Variants in LRMDA observed in about 807,000 individuals in gnomAD.
LRMDA encodes leucine rich melanocyte differentiation associated.
A neutral mutation model predicts 29.8 loss-of-function variants in LRMDA; 18 were observed. The ratio of observed to expected loss-of-function variants is 0.60; its 90% CI spans 0.42 to 0.90. The LOEUF is 0.90. Ranked by LOEUF, LRMDA falls within the 40% of genes least tolerant of loss-of-function variation. The pLI is 0.00. For missense variants in LRMDA, 273 were observed against 273.9 expected (o/e 1.00, Z 0.02); for synonymous variants, 125 against 109.4 (o/e 1.14, Z -0.89).
chr10:76,442,880 G>A (rs1426453179), intron 6 of LRMDA, among the ~76,000 whole-genome samples: 1 of 152,144 alleles, frequency 6.6e-6, no homozygotes, highest in African/African-American at 2.4e-5. Flanking sequence ...ATTTCTGAGG[G>A]AAGATGCAAT....
chr10:76,478,619 T>C (rs1842703436), intron 6 of LRMDA, among the ~76,000 whole-genome samples: 1 of 152,144 alleles, frequency 6.6e-6, no homozygotes, highest in Non-Finnish European at 1.5e-5. Context: ...ACAGCACTAT[T>C]CACAATAGCA....
At chr10:75,649,715 G>A (rs532146437) in intron 2 of LRMDA, among the ~76,000 whole-genome samples, 24 of 152,098 alleles carry the variant, frequency 1.6e-4, no homozygotes, top group Non-Finnish European at 2.6e-4. Flanking sequence ...ATTCTTTGAG[G>A]AACTGCCATA....
At chr10:76,239,464 G>C (rs1247498) in intron 5 of LRMDA, among the ~76,000 whole-genome samples, 2 of 151,984 alleles carry the variant, frequency 1.3e-5, no homozygotes, top group Non-Finnish European at 2.9e-5. Context: ...GTTTGATTCA[G>C]TGTCCAAACA....
chr10:75,468,807 G>A (rs561281179), intron 2 of LRMDA, among the ~76,000 whole-genome samples: 7 of 152,192 alleles, frequency 4.6e-5, no homozygotes, highest in South Asian at 4.2e-4. Context: ...CGTCCAGCCT[G>A]TGGCCTCTCT....
At chr10:76,254,345 T>TCCC (rs1852546445) in intron 5 of LRMDA, among the ~76,000 whole-genome samples, 1 of 51,970 alleles carries the variant, frequency 1.9e-5, no homozygotes, top group South Asian at 7.0e-4. Context: ...CATACCATCC[T>TCCC]ATCCTATCCT....
rs1843409279 is a variant in LRMDA, at chr10:75,782,892, T to TG, written c.132-253115dup. 8 of 1,603,884 alleles carry TG rather than the reference T, an allele frequency of 5.0e-6. No homozygotes were observed. In the South Asian group the frequency reaches 7.8e-5, roughly 16 times the overall value. On this transcript the variant is annotated intron_variant, in intron 2 of 6. Transcript: ENST00000611255. ...CCCAAAGCCGTGGAGTACCTGCTGT[T>TG]GCTCTCATGCCTCTTGCCAACAGTG...
At chr10:75,675,053 G>C (rs758993368) in intron 2 of LRMDA, among the ~76,000 whole-genome samples, 6 of 152,198 alleles carry the variant, frequency 3.9e-5, no homozygotes, top group South Asian at 2.1e-4. Context: ...TCTGTGTATT[G>C]ATCAGAGTTT....
At chr10:76,461,692 C>T (rs964640396) in intron 6 of LRMDA, among the ~76,000 whole-genome samples, 15 of 152,182 alleles carry the variant, frequency 9.9e-5, no homozygotes, top group Admixed American at 9.2e-4. Context: ...ATGGGAGGCT[C>T]TGCCCTCTGA....
At chr10:75,528,716 G>A (rs1488121302) in intron 2 of LRMDA, among the ~76,000 whole-genome samples, 2 of 152,100 alleles carry the variant, frequency 1.3e-5, no homozygotes, top group Non-Finnish European at 2.9e-5. Flanking sequence ...ATGTTTATGA[G>A]AAACCTCTAG....
intron 5 of LRMDA, among the ~76,000 whole-genome samples, chr10:76,315,626 G>A (rs570277777): frequency 6.6e-6 from 1 of 151,830 alleles, no homozygotes; most frequent in Non-Finnish European, 1.5e-5. Context: ...AGCCCAGGGG[G>A]TGCTGAGGGC....
At chr10:75,445,895 A>G (rs961086304) in intron 2 of LRMDA, among the ~76,000 whole-genome samples, 1 of 152,266 alleles carries the variant, frequency 6.6e-6, no homozygotes, top group African/African-American at 2.4e-5. Flanking sequence ...CATCACTCTG[A>G]TAAATGCATG....
intron 2 of LRMDA, among the ~76,000 whole-genome samples, chr10:75,460,604 C>A (rs1844573314): frequency 6.6e-6 from 1 of 151,958 alleles, no homozygotes; most frequent in Non-Finnish European, 1.5e-5. Flanking sequence ...AGATAATATT[C>A]CTTTTATAAA....
intron 2 of LRMDA, among the ~76,000 whole-genome samples, chr10:75,880,014 G>T (rs76462456): frequency 2.6e-5 from 4 of 152,070 alleles, no homozygotes; most frequent in Non-Finnish European, 4.4e-5. Flanking sequence ...CAATATTCTC[G>T]TAGATTTATG....
chr10:75,806,809 CAAAAAAA>C, intron 2 of LRMDA, among the ~76,000 whole-genome samples: 1 of 77,292 alleles, frequency 1.3e-5, no homozygotes, highest in Admixed American at 1.4e-4. Context: ...CTGGAAATTG[CAAAAAAA>C]AAAAAAAAAA....
At chr10:76,051,330 G>C (rs906636737) in intron 4 of LRMDA, among the ~76,000 whole-genome samples, 1 of 152,258 alleles carries the variant, frequency 6.6e-6, no homozygotes, top group South Asian at 2.1e-4. Context: ...TCTGTAGAGG[G>C]CCTTGGTCTG....
At chr10:76,164,836 A>G (rs2132183336) in intron 5 of LRMDA, among the ~76,000 whole-genome samples, 1 of 152,352 alleles carries the variant, frequency 6.6e-6, no homozygotes, top group South Asian at 2.1e-4. Context: ...AATTGGAGGC[A>G]CCACTCAGAC....
intron 2 of LRMDA, among the ~76,000 whole-genome samples, chr10:75,769,567 T>G (rs541187384): frequency 6.6e-6 from 1 of 152,304 alleles, no homozygotes; most frequent in African/African-American, 2.4e-5. Context: ...ATAAGTATGG[T>G]GGGGGTGGTG....
At chr10:76,372,204 G>A (rs148013442) in intron 6 of LRMDA, among the ~76,000 whole-genome samples, 39 of 152,260 alleles carry the variant, frequency 2.6e-4, no homozygotes, top group Admixed American at 7.2e-4. Context: ...CACCTACCAA[G>A]CCATCTGAGT....
At chr10:75,457,394 GATGTAGA>G (rs1261466459) in intron 2 of LRMDA, among the ~76,000 whole-genome samples, 1 of 152,186 alleles carries the variant, frequency 6.6e-6, no homozygotes, top group Non-Finnish European at 1.5e-5. Flanking sequence ...GTGATTCTGG[GATGTAGA>G]AGTTGGCCAT....
Sources: gnomAD v4.1 joint callset for allele counts (sites outside exome capture counted in the v4.1 genomes callset) on GRCh38, gnomAD v4.1.1 for gene constraint, MANE v1.5 for transcripts, NCBI Gene and HGNC (gene_info 2026-07-23, HGNC 2026-07-21) for gene names.